EFCAB9: variants seen among roughly 807,000 people sequenced by gnomAD.
The protein encoded by EFCAB9 is EF-hand calcium-binding domain-containing protein 9.
In EFCAB9, 16 loss-of-function variants were observed where a neutral mutation model predicts 15.6. The observed-to-expected ratio is 1.03, with a 90% CI of 0.69 to 1.56. EFCAB9 has a LOEUF of 1.56. Ranked by LOEUF, EFCAB9 falls within the 40% of genes most tolerant of loss-of-function variation. The pLI is 0.00. For synonymous variants in EFCAB9, 76 were observed against 85.4 expected (o/e 0.89, Z 0.61); for missense variants, 208 against 235.4 (o/e 0.88, Z 0.76).
chr5:172,195,599 G>A (rs537717035), intron 1 of EFCAB9, among the ~76,000 whole-genome samples: 1 of 150,280 alleles, frequency 6.7e-6, no homozygotes, highest in Non-Finnish European at 1.5e-5. Flanking sequence ...GGATGCTTGA[G>A]GAGTTTAAGC....
chr5:172,199,249 G>A, intron 1 of EFCAB9, 134 bp from the exon 2 acceptor site: 1 of 1,202,256 alleles, frequency 8.3e-7, no homozygotes, highest in Non-Finnish European at 1.1e-6. Context: ...GGCAAAGCCA[G>A]AAACAAAATA....
chr5:172,198,440 T>C (rs1225754775), intron 1 of EFCAB9, among the ~76,000 whole-genome samples: 9 of 151,994 alleles, frequency 5.9e-5, no homozygotes, highest in Non-Finnish European at 1.5e-5. Context: ...GCCTGGGAGG[T>C]TGAGTCTGCA....
chr5:172,203,236 A>C lies in EFCAB9; in HGVS notation c.485A>C (p.Lys162Thr). 6.5e-7 allele frequency: 1 copy of C among 1,527,948 alleles called. No homozygotes were observed. Among genetic ancestry groups the C allele is most frequent in the Non-Finnish European group, 8.7e-7 (1 of 1,143,356 alleles). 94.6% of individuals were successfully genotyped at this position (1,527,948 alleles called of 1,614,324 possible). The change falls in exon 4 of 4, where the codon AAG becomes ACG. Residue 162 changes from lysine to threonine, a missense_variant. Coordinates refer to ENST00000398186, the MANE Select transcript of EFCAB9 (RefSeq NM_001171183.2). ...GDNRLNYQEF[K>T]LYTIIYTDKL... ...AAGCGTCTTAATTATCAGGAATTTA[A>C]GCTGTATACAATCATCTACACTGAC...
At chr5:172,196,846 C>A (rs12515418) in intron 1 of EFCAB9, among the ~76,000 whole-genome samples, 10,905 of 152,062 alleles carry the variant, frequency 0.072, 441 homozygotes, top group South Asian at 0.12. Context: ...ATATTTTATT[C>A]ATGATTAATG....
chr5:172,203,193 T>TTTAC, intron 3 of EFCAB9, 21 bp from the exon 4 acceptor site: 2 of 1,459,962 alleles, frequency 1.4e-6, no homozygotes, highest in Non-Finnish European at 1.8e-6. Flanking sequence ...AATTTTTCTT[T>TTTAC]CCCCCCCACC....
Position 172,194,277 on chromosome 5 carries a change from T to C in EFCAB9, c.105T>C (p.Ile35=). The change falls in exon 1 of 4, where the codon ATT becomes ATC. Residue 35 remains isoleucine (I), a synonymous_variant. Coordinates refer to ENST00000398186, the MANE Select transcript of EFCAB9 (RefSeq NM_001171183.2). ...AGGCTTTGGCAGAATATTTTCATAT[T>C]CTGGACGTGCACGGCAAGAACACCT... ...NVKALAEYFH[I]LDVHGKNTLN... 6.5e-7 allele frequency: 1 copy of C among 1,537,956 alleles called. No homozygotes were observed. The highest frequency in any genetic ancestry group is 8.7e-7 in the Non-Finnish European group (1 of 1,147,070).
At chr5:172,197,787 A>G (rs1771185495) in intron 1 of EFCAB9, among the ~76,000 whole-genome samples, 2 of 152,180 alleles carry the variant, frequency 1.3e-5, no homozygotes, top group South Asian at 4.1e-4. Context: ...AAGCTCCTAC[A>G]GCATGAAAGG....
chr5:172,195,195 T>TAAA (rs1554125616), intron 1 of EFCAB9, among the ~76,000 whole-genome samples: 1 of 148,312 alleles, frequency 6.7e-6, no homozygotes, highest in African/African-American at 2.5e-5. Context: ...AATAAATAAA[T>TAAA]AAATAAATAA....
chr5:172,200,497 T>A, intron 2 of EFCAB9, 69 bp from the exon 3 acceptor site: 1 of 1,449,128 alleles, frequency 6.9e-7, no homozygotes, highest in South Asian at 1.4e-5. Flanking sequence ...AGATATGTCT[T>A]GAGGAAACAA....
rs1238599320 is a variant in EFCAB9 at position 172,199,398 on chromosome 5, A to C, written c.152A>C (p.His51Pro). ...ACCTTAACAGATGTGCTGTTCTATCACTTCCTTCATCATGTGACTGACTTG... is the reference window on the plus strand; with the variant it reads ...ACCTTAACAGATGTGCTGTTCTATCCCTTCCTTCATCATGTGACTGACTTG... Reference protein sequence around the residue: ...KNTLNDVLFYHFLHHVTDLKK... With the variant: ...KNTLNDVLFYPFLHHVTDLKK... Residue 51 changes from histidine to proline, a missense_variant, in exon 2 of 4, where the codon CAC becomes CCC. Transcript: ENST00000398186. 6.5e-7 allele frequency: 1 copy of C among 1,537,014 alleles called. No homozygotes were observed. The highest frequency in any genetic ancestry group is 8.7e-7 in the Non-Finnish European group (1 of 1,146,898).
chr5:172,199,238 T>C, intron 1 of EFCAB9, 145 bp from the exon 2 acceptor site: 1 of 1,078,244 alleles, frequency 9.3e-7, no homozygotes, highest in Non-Finnish European at 1.3e-6. Context: ...GAAAGTACAG[T>C]GGCAAAGCCA....
intron 1 of EFCAB9, 96 bp downstream of exon 1, chr5:172,194,404 AT>A (rs35441810): frequency 0.058 from 66,797 of 1,153,720 alleles, no homozygotes; most frequent in Non-Finnish European, 0.061. Flanking sequence ...TTGTTAGTAC[AT>A]TTTTTTTTTT....
chr5:172,196,250 C>T (rs1450329987), intron 1 of EFCAB9, among the ~76,000 whole-genome samples: 7 of 152,134 alleles, frequency 4.6e-5, no homozygotes, highest in African/African-American at 1.4e-4. Context: ...TCCAGAGAGG[C>T]GTGGAGAAGG....
chr5:172,195,508 G>T lies in EFCAB9; in HGVS notation c.136+1200G>T, dbSNP rs538328218. On this transcript the variant is annotated intron_variant, in intron 1 of 3. Transcript: ENST00000398186. ...TAACCCTGCCCTAGATAAGGCAGCT[G>T]CAGGGGACCTAGTTGTAAATAAAAG... Among the ~76,000 whole-genome samples the T allele has an allele frequency of 1.5e-3, 232 of 152,370 alleles. 1 individual carries two copies. Among genetic ancestry groups the T allele is most frequent in the South Asian group, 3.1e-3 (15 of 4,832 alleles).
At position 172,203,337 on chromosome 5, in the gene EFCAB9, A is replaced by G; in HGVS notation, c.586A>G (p.Ile196Val). The G allele has an allele frequency of 6.5e-7, 1 of 1,531,610 alleles. No homozygotes were observed. The highest frequency in any genetic ancestry group is 8.7e-7 in the Non-Finnish European group (1 of 1,145,564). 94.9% of individuals were successfully genotyped at this position (1,531,610 alleles called of 1,614,324 possible). Residue 196 changes from isoleucine (I) to valine (V), a missense_variant, in exon 4 of 4, where the codon ATC (isoleucine) becomes GTC (valine). Coordinates refer to ENST00000398186, the MANE Select transcript of EFCAB9 (RefSeq NM_001171183.2). ...GAGAAGTCTCTACTCAAAATGTCAC[A>G]TCAAGTAGATACAAGCTGAAAGAGT... ...RKRSLYSKCH[I>V]K
At chr5:172,203,008 A>T (rs2113863008) in intron 3 of EFCAB9, among the ~76,000 whole-genome samples, 1 of 152,308 alleles carries the variant, frequency 6.6e-6, no homozygotes, top group Non-Finnish European at 1.5e-5. Flanking sequence ...CAAAAAAATA[A>T]AAGTGGCCCT....
chr5:172,198,153 C>G (rs776231442), intron 1 of EFCAB9, among the ~76,000 whole-genome samples: 4 of 152,178 alleles, frequency 2.6e-5, no homozygotes, highest in African/African-American at 9.7e-5. Flanking sequence ...CTGACTTCAC[C>G]TCTCAGCATG....
intron 3 of EFCAB9, among the ~76,000 whole-genome samples, chr5:172,201,715 C>A (rs867789485): frequency 2.0e-4 from 31 of 152,034 alleles, no homozygotes; most frequent in Admixed American, 1.7e-3. Flanking sequence ...AGCATGTGAG[C>A]ATAATCCTAA....
Position 172,200,679 on chromosome 5 carries a change from CT to C in EFCAB9, c.401del (p.Phe134SerfsTer85). ...AKNFEMYRFLFNIQKQELKDL... is the reference protein window; with the variant it reads ...AKNFEMYRFLXNIQKQELKDL... Reference sequence around the variant, plus strand: ...AAAACTTCGAAATGTACAGATTTCTCTTCAATATTCAAAAACAGGAACTCAA... The same window carrying C: ...AAAACTTCGAAATGTACAGATTTCTCTCAATATTCAAAAACAGGAACTCAA... On this transcript the variant is annotated frameshift_variant, in exon 3 of 4. Coordinates refer to ENST00000398186, the MANE Select transcript of EFCAB9 (RefSeq NM_001171183.2). LOFTEE classifies it high-confidence loss of function. The C allele has an allele frequency of 6.5e-7, 1 of 1,537,398 alleles. No homozygotes were observed. The highest frequency in any genetic ancestry group is 2.4e-5 in the East Asian group (1 of 40,912).
Sources: allele counts gnomAD v4.1 joint callset (sites outside exome capture counted in the v4.1 genomes callset), GRCh38; gene constraint gnomAD v4.1.1; transcripts MANE v1.5; gene names NCBI Gene and HGNC (gene_info 2026-07-23, HGNC 2026-07-21).